The following CNTN5 variants were observed in gnomAD, a reference collection of about 807,000 sequenced individuals.
CNTN5 encodes contactin 5.
CNTN5 carries 77 observed loss-of-function variants against 129.1 expected under a neutral mutation model. That is an observed-to-expected ratio of 0.60 (90% CI 0.50 to 0.72). CNTN5 has a LOEUF of 0.72. Ranked by LOEUF, CNTN5 falls within the 30% of genes least tolerant of loss-of-function variation. The probability of loss-of-function intolerance (pLI) is 0.00; values close to 1 mark genes in which losing one functional copy is unlikely to be tolerated. For synonymous variants in CNTN5, 509 were observed against 465.6 expected (o/e 1.09, Z -1.20); for missense variants, 1,478 against 1,328.8 (o/e 1.11, Z -1.75).
intron 8 of CNTN5, among the ~76,000 whole-genome samples, chr11:99,983,089 C>T (rs1938453337): frequency 6.6e-6 from 1 of 151,712 alleles, no homozygotes; most frequent in African/African-American, 2.4e-5. Context: ...AACTACAGTG[C>T]AGTGAAAGAG....
intron 3 of CNTN5, among the ~76,000 whole-genome samples, chr11:99,690,253 AG>A (rs1450722405): frequency 6.6e-6 from 1 of 152,028 alleles, no homozygotes; most frequent in East Asian, 1.9e-4. Flanking sequence ...ATGTGGCTTT[AG>A]TTTTGGGTTC....
intron 2 of CNTN5, among the ~76,000 whole-genome samples, chr11:99,463,590 T>C (rs1347240031): frequency 6.7e-6 from 1 of 148,554 alleles, no homozygotes; most frequent in Non-Finnish European, 1.5e-5. Context: ...TCCAAGCTAG[T>C]ACTGTAGCTA....
At chr11:100,342,652 T>C (rs770157286) in intron 23 of CNTN5, among the ~76,000 whole-genome samples, 5 of 152,174 alleles carry the variant, frequency 3.3e-5, no homozygotes, top group Non-Finnish European at 7.4e-5. Flanking sequence ...TATATGACTG[T>C]CTCCCCAAAC....
chr11:99,861,317 G>C (rs1395119729), intron 6 of CNTN5, among the ~76,000 whole-genome samples: 1 of 152,100 alleles, frequency 6.6e-6, no homozygotes, highest in African/African-American at 2.4e-5. Context: ...TCTCCTTGGA[G>C]AGATCTTTCA....
In CNTN5 at chr11:100,351,424, A is replaced by T. The variant is rs1006053540; in HGVS notation, c.3199+554A>T. ...TTTACATACATCATCTAAGTTTAGT[A>T]ACAATCATATGAGATAGGTGACATT... On this transcript the variant is annotated intron_variant, in intron 24 of 24. Coordinates refer to ENST00000524871, the MANE Select transcript of CNTN5 (RefSeq NM_014361.4). Among the ~76,000 whole-genome samples the T allele has an allele frequency of 2.6e-5, 4 of 151,496 alleles. No individual in the cohort carries two copies. In the East Asian group the frequency reaches 7.8e-4, roughly 29 times the overall value.
At chr11:99,772,079 T>A (rs1220743361) in intron 3 of CNTN5, among the ~76,000 whole-genome samples, 2 of 151,974 alleles carry the variant, frequency 1.3e-5, no homozygotes, top group Non-Finnish European at 1.5e-5. Context: ...GTATTTTTTT[T>A]TTTTTATCAA....
intron 9 of CNTN5, among the ~76,000 whole-genome samples, chr11:100,023,659 A>T (rs949614395): frequency 6.6e-6 from 1 of 152,112 alleles, no homozygotes; most frequent in African/African-American, 2.4e-5. Flanking sequence ...GGTTCCATCT[A>T]CCCATCTCTC....
In CNTN5 at chr11:99,986,239, T is replaced by C. The variant is rs986078229; in HGVS notation, c.878-15795T>C. ...TCAACTCTCTATCCCATCAATCTCT[T>C]GATCATGTAATACTCACTTGGCAAA... On this transcript the variant is annotated intron_variant, in intron 8 of 24. Coordinates refer to ENST00000524871, the MANE Select transcript of CNTN5 (RefSeq NM_014361.4). Among the ~76,000 whole-genome samples, 3 of 152,172 alleles carry C rather than the reference T, an allele frequency of 2.0e-5. No homozygotes were observed. The East Asian group carries it at 5.8e-4, about 29-fold the overall frequency.
chr11:99,673,113 G>A (rs1466170815), intron 3 of CNTN5, among the ~76,000 whole-genome samples: 1 of 152,086 alleles, frequency 6.6e-6, no homozygotes, highest in Non-Finnish European at 1.5e-5. Flanking sequence ...TATAAGTTTA[G>A]CTGCAGTTTT....
chr11:99,253,052 C>T (rs1862195110), intron 1 of CNTN5, among the ~76,000 whole-genome samples: 1 of 151,788 alleles, frequency 6.6e-6, no homozygotes, highest in South Asian at 2.1e-4. Flanking sequence ...GCTGTGTCCC[C>T]ACTCAAATCT....
chr11:99,368,756 G>C (rs558496232), intron 2 of CNTN5, among the ~76,000 whole-genome samples: 6 of 152,240 alleles, frequency 3.9e-5, no homozygotes, highest in African/African-American at 9.6e-5. Flanking sequence ...TCTTACATGG[G>C]ATTTGTGTTG....
chr11:99,533,776 G>A (rs896900120), intron 2 of CNTN5, among the ~76,000 whole-genome samples: 1 of 152,200 alleles, frequency 6.6e-6, no homozygotes, highest in Non-Finnish European at 1.5e-5. Flanking sequence ...TCCCTTTGTT[G>A]GAGGGAAACT....
chr11:99,913,317 G>A (rs2136000978), intron 6 of CNTN5, among the ~76,000 whole-genome samples: 1 of 151,936 alleles, frequency 6.6e-6, no homozygotes, highest in African/African-American at 2.4e-5. Flanking sequence ...ATCTTGCTTG[G>A]TACAGGGACC....
intron 8 of CNTN5, among the ~76,000 whole-genome samples, chr11:100,000,433 C>G (rs907552022): frequency 4.6e-5 from 7 of 152,308 alleles, no homozygotes; most frequent in Admixed American, 6.5e-5. Context: ...ACATGTAGGG[C>G]ATGATGATAG....
At chr11:99,667,664 A>G (rs1285742498) in intron 3 of CNTN5, among the ~76,000 whole-genome samples, 1 of 152,184 alleles carries the variant, frequency 6.6e-6, no homozygotes. Context: ...ATGAAGCTGG[A>G]AGCCATCATC....
intron 3 of CNTN5, among the ~76,000 whole-genome samples, chr11:99,788,802 G>C (rs1443215938): frequency 1.3e-5 from 2 of 151,750 alleles, no homozygotes; most frequent in Non-Finnish European, 3.0e-5. Flanking sequence ...TGTATCGTGT[G>C]TATATTTTCA....
rs143839584 is a variant in CNTN5, at chr11:99,913,590, A to G, written c.578-2464A>G. Among the ~76,000 whole-genome samples, 329 of 152,204 alleles carry G rather than the reference A, an allele frequency of 2.2e-3. 2 individuals are homozygous for G. Among genetic ancestry groups the G allele is most frequent in the Non-Finnish European group, 1.8e-3 (124 of 67,990 alleles). The stretch of plus-strand genomic sequence containing the variant: ...CTTGTATTAAAAGCTGGTACAAAAT[A>G]AAGCAATTGGAGTGAAGTATCATCT... On this transcript the variant is annotated intron_variant, in intron 6 of 24. Coordinates refer to ENST00000524871, the MANE Select transcript of CNTN5 (RefSeq NM_014361.4).
intron 3 of CNTN5, among the ~76,000 whole-genome samples, chr11:99,585,483 A>G (rs1949763366): frequency 6.6e-6 from 1 of 152,170 alleles, no homozygotes; most frequent in African/African-American, 2.4e-5. Flanking sequence ...GTCTTGAAAA[A>G]TATGGTTATT....
chr11:100,204,434 CTATAGATCTATAGA>C (rs1948873031), intron 15 of CNTN5, among the ~76,000 whole-genome samples: 1 of 141,588 alleles, frequency 7.1e-6, no homozygotes, highest in South Asian at 2.3e-4. Flanking sequence ...ATATAGATAT[CTATAGATCTATAGA>C]TATAGATCTG....
Sources: allele counts gnomAD v4.1 joint callset (sites outside exome capture counted in the v4.1 genomes callset), GRCh38; gene constraint gnomAD v4.1.1; transcripts MANE v1.5; gene names NCBI Gene and HGNC (gene_info 2026-07-23, HGNC 2026-07-21).